The following CACNA1C variants were observed in gnomAD, a reference collection of about 807,000 sequenced individuals.
The protein encoded by CACNA1C is voltage-dependent L-type calcium channel subunit alpha-1C.
A neutral mutation model predicts 229.0 loss-of-function variants in CACNA1C; 30 were observed. The observed-to-expected ratio is 0.13, with a 90% CI of 0.10 to 0.18. The LOEUF (loss-of-function observed/expected upper bound fraction) is 0.18, where lower values mean the gene tolerates loss of function less well. Ranked by LOEUF, CACNA1C falls within the 10% of genes least tolerant of loss-of-function variation. The pLI, the probability that CACNA1C is intolerant of heterozygous loss-of-function variation, is 1.00. For synonymous variants in CACNA1C, 1,114 were observed against 1,132.5 expected (o/e 0.98, Z 0.33); for missense variants, 1,658 against 2,845.0 (o/e 0.58, Z 9.49).
rs558291478 is a variant in CACNA1C at position 2,329,809 on chromosome 12, T to C, written c.478-119167T>C. 8.4e-4 allele frequency among the ~76,000 whole-genome samples: 128 copies of C among 152,274 alleles called. 1 individual carries two copies. Among genetic ancestry groups the C allele is most frequent in the African/African-American group, 2.9e-3 (121 of 41,554 alleles). ...CTGGGCGGCTGTGACTTCACTCTCA[T>C]AGTCCTTGTAGTGAATAAACTCCCC... On this transcript the variant is annotated intron_variant, in intron 3 of 46. Coordinates refer to ENST00000399655, the MANE Select transcript of CACNA1C (RefSeq NM_000719.7).
At position 2,333,721 on chromosome 12, in the gene CACNA1C, A is replaced by G. The variant is rs1319331182; in HGVS notation, c.478-115255A>G. Among the ~76,000 whole-genome samples, 5 of 152,302 alleles carry G rather than the reference A, an allele frequency of 3.3e-5. No homozygotes were observed. In the South Asian group the frequency reaches 8.3e-4, roughly 25 times the overall value. On this transcript the variant is annotated intron_variant, in intron 3 of 46. Coordinates refer to ENST00000399655, the MANE Select transcript of CACNA1C (RefSeq NM_000719.7). The stretch of plus-strand genomic sequence containing the variant: ...TTTCTGACAGCAAGAGTGAATCAAC[A>G]CAAAATGAATCACACAAAGACACCA...
chr12:2,629,014 C>G (rs1327163753), intron 29 of CACNA1C, among the ~76,000 whole-genome samples: 1 of 152,122 alleles, frequency 6.6e-6, no homozygotes, highest in African/African-American at 2.4e-5. Context: ...TTTTAAAATA[C>G]TTCCCTAGGT....
At chr12:2,087,096 C>T (rs972567496) in intron 1 of CACNA1C, among the ~76,000 whole-genome samples, 1 of 152,172 alleles carries the variant, frequency 6.6e-6, no homozygotes, top group African/African-American at 2.4e-5. Flanking sequence ...CTTTGCCTCT[C>T]TGTTCTCTCA....
intron 3 of CACNA1C, among the ~76,000 whole-genome samples, chr12:2,141,773 G>T (rs1220050883): frequency 6.6e-6 from 1 of 151,232 alleles, no homozygotes; most frequent in Admixed American, 6.6e-5. Flanking sequence ...CACCCAGATT[G>T]CTGTATATCT....
intron 3 of CACNA1C, among the ~76,000 whole-genome samples, chr12:2,444,577 T>C (rs1434634387): frequency 6.6e-6 from 1 of 152,134 alleles, no homozygotes; most frequent in Non-Finnish European, 1.5e-5. Context: ...GCCCCACCTC[T>C]GTAGGTCTGA....
Position 2,647,829 on chromosome 12 carries a change from CAAATT to C in CACNA1C, c.3913-642_3913-638del, listed in dbSNP as rs1361916183. ...TAGGTTAACAATGGCTAATAAAAAA[CAAATT>C]AAAACAGGCTTGGCACAGTGGCTTA... On this transcript the variant is annotated intron_variant, in intron 30 of 46. Transcript: ENST00000399655. The surrounding 1 kb of genome is among the most constrained non-coding windows in gnomAD (Gnocchi z 4.2). Among the ~76,000 whole-genome samples the C allele has an allele frequency of 6.6e-6, 1 of 152,010 alleles. No individual in the cohort carries two copies. Among genetic ancestry groups the C allele is most frequent in the African/African-American group, 2.4e-5 (1 of 41,412 alleles).
chr12:2,613,037 A>G (rs1420782637), intron 29 of CACNA1C: 4 of 152,192 alleles, frequency 2.6e-5, no homozygotes, highest in Non-Finnish European at 5.9e-5. Flanking sequence ...GGCCAAGAGC[A>G]AGAATCCCTG....
chr12:1,973,010 T>G (rs924146934), intron 1 of CACNA1C, among the ~76,000 whole-genome samples: 36 of 152,232 alleles, frequency 2.4e-4, no homozygotes, highest in African/African-American at 8.7e-4. Flanking sequence ...GATTCTGTAC[T>G]TCTTCCCCAT....
At chr12:2,091,015 T>A (rs954163988) in intron 1 of CACNA1C, among the ~76,000 whole-genome samples, 1 of 152,244 alleles carries the variant, frequency 6.6e-6, no homozygotes, top group Non-Finnish European at 1.5e-5. Flanking sequence ...GTATATCATC[T>A]TGGAGAAATA....
rs2072769689 is a variant in CACNA1C, at chr12:2,602,211, G to A, written c.2960+251G>A. ...GTTTTGCCATGACAGGCAGGGCCAG[G>A]CTCAGCTATTAAGAAACGGTTGTCT... On this transcript the variant is annotated intron_variant, in intron 22 of 46. Transcript: ENST00000399655. The surrounding 1 kb of genome is among the most constrained non-coding windows in gnomAD (Gnocchi z 4.4). 6.6e-6 allele frequency among the ~76,000 whole-genome samples: 1 copy of A among 152,172 alleles called. No individual in the cohort carries two copies. The highest frequency in any genetic ancestry group is 2.4e-5 in the African/African-American group (1 of 41,444).
chr12:2,504,888 C>T lies in CACNA1C; in HGVS notation c.1160C>T (p.Thr387Ile). 6.2e-7 allele frequency: 1 copy of T among 1,608,466 alleles called. No homozygotes were observed. Among genetic ancestry groups the T allele is most frequent in the Non-Finnish European group, 8.5e-7 (1 of 1,175,264 alleles). The stretch of plus-strand genomic sequence containing the variant: ...GACTGGCCCTGGATCTATTTTGTTA[C>T]ACTAATCATCATAGGGTCATTTTTT... ...GRDWPWIYFV[T>I]LIIIGSFFVL... Residue 387 changes from threonine (T) to isoleucine (I), a missense_variant, in exon 8 of 47, where the codon ACA (threonine) becomes ATA (isoleucine). By Grantham distance (89) the Thr-to-Ile change is moderately conservative. This residue lies in a region of CACNA1C where 84 missense variants were observed against 202.6 expected (regional missense o/e 0.41). Transcript: ENST00000399655. The surrounding 1 kb of genome is among the most constrained non-coding windows in gnomAD (Gnocchi z 6.8).
At chr12:2,506,206 G>A (rs1248825891) in intron 8 of CACNA1C, among the ~76,000 whole-genome samples, 1 of 152,194 alleles carries the variant, frequency 6.6e-6, no homozygotes, top group Non-Finnish European at 1.5e-5. Context: ...TAACAGTGAT[G>A]AGCAGAACAA....
At chr12:2,328,936 C>G (rs944150630) in intron 3 of CACNA1C, among the ~76,000 whole-genome samples, 12 of 152,310 alleles carry the variant, frequency 7.9e-5, no homozygotes, top group African/African-American at 2.4e-4. Flanking sequence ...TGGAATTTGT[C>G]TGTGTAATAA....
At chr12:2,443,645 G>A (rs1051013862) in intron 3 of CACNA1C, among the ~76,000 whole-genome samples, 2 of 152,170 alleles carry the variant, frequency 1.3e-5, no homozygotes, top group African/African-American at 4.8e-5. Context: ...TGACCACCCA[G>A]GATTTAGGAG....
At chr12:2,680,795 C>T (rs2097108629) in intron 42 of CACNA1C, among the ~76,000 whole-genome samples, 1 of 152,244 alleles carries the variant, frequency 6.6e-6, no homozygotes, top group African/African-American at 2.4e-5. Context: ...ATCTCCCTGT[C>T]TGCTTTCCTT....
intron 3 of CACNA1C, among the ~76,000 whole-genome samples, chr12:2,322,429 A>G (rs1019380655): frequency 1.3e-5 from 2 of 152,176 alleles, no homozygotes; most frequent in South Asian, 2.1e-4. Context: ...GAGACTCCCA[A>G]TGGCCACCAG....
chr12:2,354,640 C>G lies in CACNA1C; in HGVS notation c.478-94336C>G, dbSNP rs577015689. 2.0e-5 allele frequency among the ~76,000 whole-genome samples: 3 copies of G among 152,288 alleles called. No individual in the cohort carries two copies. Among genetic ancestry groups the G allele is most frequent in the African/African-American group, 7.2e-5 (3 of 41,560 alleles). ...CCCAGGAACGGAGTCCATCCTTTCT[C>G]CTGGCCTCCAGGGAGAGCCCAGACA... On this transcript the variant is annotated intron_variant, in intron 3 of 46. Transcript: ENST00000399655. This position sits in a 1 kb window ranked among gnomAD's most constrained non-coding sequence, Gnocchi z 4.6.
Position 2,512,846 on chromosome 12 carries a change from C to T in CACNA1C, c.1252C>T (p.Arg418Trp), listed in dbSNP as rs1048097008. The change falls in exon 9 of 47, where the codon CGG (arginine) becomes TGG (tryptophan). Residue 418 changes from arginine to tryptophan, a missense_variant. Physicochemically the swap from Arg to Trp is moderately radical, Grantham distance 101. Around this residue, in one of 20 missense-constraint regions of CACNA1C, gnomAD observed 84 missense variants for 202.6 expected, o/e 0.41. Transcript: ENST00000399655. This position sits in a 1 kb window ranked among gnomAD's most constrained non-coding sequence, Gnocchi z 4.3. ...FSKEREKAKARGDFQKLREKQ... is the reference protein window; with the variant it reads ...FSKEREKAKAWGDFQKLREKQ... ...CAAAGAGAGGGAGAAGGCCAAGGCCCGGGGAGATTTCCAGAAGCTGCGGGA... is the reference window on the plus strand; with the variant it reads ...CAAAGAGAGGGAGAAGGCCAAGGCCTGGGGAGATTTCCAGAAGCTGCGGGA... 4 of 1,612,912 alleles carry T rather than the reference C, an allele frequency of 2.5e-6. No individual in the cohort carries two copies. Among genetic ancestry groups the T allele is most frequent in the African/African-American group, 1.3e-5 (1 of 74,826 alleles).
chr12:2,582,965 A>G, intron 15 of CACNA1C, 23 bp downstream of exon 15: 1 of 1,447,676 alleles, frequency 6.9e-7, no homozygotes, highest in African/African-American at 1.5e-5. Context: ...GCTGCCCCCC[A>G]CCCCTGCGGC....
Sources: gnomAD v4.1 joint callset for allele counts (sites outside exome capture counted in the v4.1 genomes callset) on GRCh38, gnomAD v4.1.1 for gene constraint, gnomAD v4.1.1 regional missense constraint, Gnocchi (gnomAD v3.1) non-coding constraint, MANE v1.5 for transcripts, NCBI Gene and HGNC (gene_info 2026-07-23, HGNC 2026-07-21) for gene names.